COL4A6: variants seen among roughly 807,000 people sequenced by gnomAD.
COL4A6 encodes the protein collagen alpha-6(IV) chain.
Under a neutral mutation model 126.7 loss-of-function variants are expected in COL4A6, and 59 were observed. The ratio of observed to expected loss-of-function variants is 0.47; its 90% CI spans 0.38 to 0.58. The LOEUF (loss-of-function observed/expected upper bound fraction) is 0.58. Among genes scored for constraint, COL4A6 ranks in the 20% least tolerant of loss-of-function variants. COL4A6 has a pLI of 0.00. For synonymous variants in COL4A6, 547 were observed against 496.6 expected (o/e 1.10, Z -1.35); for missense variants, 1,285 against 1,337.3 (o/e 0.96, Z 0.61).
At position 108,237,451 on chromosome X, in the gene COL4A6, C is replaced by T. The variant is rs760679674; in HGVS notation, c.145-16077G>A. Reference sequence around the variant, plus strand: ...AAACCCATCTTGTACTCTCTCACCACGTGGCTTCCAACCAAGTTGCTTCCT... The same window carrying T: ...AAACCCATCTTGTACTCTCTCACCATGTGGCTTCCAACCAAGTTGCTTCCT... On this transcript the variant is annotated intron_variant, in intron 3 of 44. Transcript: ENST00000334504. 3.6e-3 allele frequency among the ~76,000 whole-genome samples: 400 copies of T among 111,451 alleles called. 2 individuals carry two copies. Among genetic ancestry groups the T allele is most frequent in the African/African-American group, 0.013 (388 of 30,665 alleles).
At chrX:108,188,224 T>C (rs2034932007) in intron 21 of COL4A6, among the ~76,000 whole-genome samples, 197 bp from the exon 22 acceptor site, 1 of 112,230 alleles carries the variant, frequency 8.9e-6, no homozygotes. Context: ...TTTGAAGATG[T>C]AAACCTCACC....
At chrX:108,324,006 C>T (rs2039092453) in intron 2 of COL4A6, among the ~76,000 whole-genome samples, 1 of 112,297 alleles carries the variant, frequency 8.9e-6, no homozygotes, top group Non-Finnish European at 1.9e-5. Context: ...CCTTTAGTGG[C>T]TTGGCACAGA....
At chrX:108,283,351 T>C (rs772807711) in intron 3 of COL4A6, among the ~76,000 whole-genome samples, 1 of 110,882 alleles carries the variant, frequency 9.0e-6, no homozygotes, top group South Asian at 3.9e-4. Context: ...TCTTACAGTT[T>C]TGCAGTTTAT....
chrX:108,325,886 A>C (rs1170138117), intron 2 of COL4A6, among the ~76,000 whole-genome samples: 2 of 111,993 alleles, frequency 1.8e-5, no homozygotes, highest in Non-Finnish European at 3.8e-5. Context: ...CTGTGATAAA[A>C]ACTCAAAGCA....
intron 20 of COL4A6, 64 bp from the exon 21 acceptor site, chrX:108,188,741 A>T (rs1319334192): frequency 1.0e-6 from 1 of 1,002,844 alleles, no homozygotes; most frequent in Non-Finnish European, 1.3e-6. Context: ...TAAAGAATTG[A>T]TCATGGTTAT....
intron 2 of COL4A6, among the ~76,000 whole-genome samples, chrX:108,331,218 G>A (rs986237436): frequency 9.0e-6 from 1 of 111,533 alleles, no homozygotes; most frequent in Non-Finnish European, 1.9e-5. Context: ...TTATTAGTTC[G>A]GGATCTCCAG....
chrX:108,413,956 T>G (rs1265702912), intron 2 of COL4A6, among the ~76,000 whole-genome samples: 2 of 112,122 alleles, frequency 1.8e-5, no homozygotes, highest in African/African-American at 3.2e-5. Context: ...TGTTACAAAA[T>G]GCAGGTTGAG....
intron 3 of COL4A6, among the ~76,000 whole-genome samples, chrX:108,250,896 T>C (rs955042287): frequency 6.3e-5 from 7 of 111,498 alleles, no homozygotes; most frequent in African/African-American, 2.3e-4. Flanking sequence ...AATCAGCAAA[T>C]TGCAGACAAG....
intron 2 of COL4A6, among the ~76,000 whole-genome samples, chrX:108,387,094 C>A (rs945427869): frequency 8.0e-5 from 9 of 111,844 alleles, no homozygotes; most frequent in African/African-American, 2.6e-4. Flanking sequence ...GGTACCATTA[C>A]CATGCTGTTT....
chrX:108,425,509 T>C (rs2064062469), intron 2 of COL4A6, among the ~76,000 whole-genome samples: 1 of 109,752 alleles, frequency 9.1e-6, no homozygotes, highest in East Asian at 2.9e-4. Context: ...TAAGGGGGGA[T>C]GGATCACGAG....
At chrX:108,427,580 G>A (rs761380563) in intron 2 of COL4A6, among the ~76,000 whole-genome samples, 1 of 111,786 alleles carries the variant, frequency 8.9e-6, no homozygotes. Flanking sequence ...TCAGCTACAT[G>A]AGGACAAGAC....
At position 108,191,488 on chromosome X, in the gene COL4A6, C is replaced by G. The variant is rs766846479; in HGVS notation, c.1226G>C (p.Gly409Ala). 1 of 1,211,104 alleles carries G rather than the reference C, an allele frequency of 8.3e-7. No individual in the cohort carries two copies. Among genetic ancestry groups the G allele is most frequent in the Non-Finnish European group, 1.1e-6 (1 of 895,158 alleles). The change falls in exon 19 of 45, where the codon GGG becomes GCG. Residue 409 changes from glycine (G) to alanine (A), a missense_variant. By Grantham distance (60) the Gly-to-Ala change is moderately conservative. Coordinates refer to ENST00000334504, the MANE Select transcript of COL4A6 (RefSeq NM_033641.4). The part of the protein sequence containing the change: ...LGPQGFPGLK[G>A]DQGNPGRTTI... Reference sequence around the variant, plus strand: ...GGTACGGCCTGGGTTTCCTTGGTCCCCCTTCAGCCCTGGAAATCCCTGAGG... The same window carrying G: ...GGTACGGCCTGGGTTTCCTTGGTCCGCCTTCAGCCCTGGAAATCCCTGAGG...
intron 13 of COL4A6, among the ~76,000 whole-genome samples, chrX:108,197,772 AGTGTGTGTGT>A (rs57928875): frequency 1.5e-4 from 13 of 87,243 alleles, no homozygotes; most frequent in East Asian, 7.6e-4. Flanking sequence ...TATTGGGAGG[AGTGTGTGTGT>A]GTGTGTGTGT....
intron 2 of COL4A6, among the ~76,000 whole-genome samples, chrX:108,399,902 G>A (rs1243354484): frequency 9.0e-6 from 1 of 111,059 alleles, no homozygotes; most frequent in Non-Finnish European, 1.9e-5. Context: ...AAAGACAGTG[G>A]AGATGGCTAA....
chrX:108,254,410 ATCT>A (rs2036937659), intron 3 of COL4A6, among the ~76,000 whole-genome samples: 1 of 111,768 alleles, frequency 8.9e-6, no homozygotes, highest in South Asian at 3.7e-4. Context: ...TCATTCTACA[ATCT>A]TCTTCCATAA....
rs762621434 is a variant in COL4A6 at position 108,187,103 on chromosome X, T to A, written c.1944A>T (p.Gly648=). The A allele has an allele frequency of 8.7e-7, 1 of 1,152,033 alleles. No homozygotes were observed. The highest frequency in any genetic ancestry group is 2.4e-5 in the Admixed American group (1 of 41,848). The allele number at this position is 1,152,033 out of a possible 1,213,427, so 94.9% of individuals were successfully genotyped here. Residue 648 remains glycine (G), a synonymous_variant, in exon 23 of 45, where the codon GGA becomes GGT. Transcript: ENST00000334504. ...DGLPGQQGLP[G]SKGITLPCII... is the part of the protein sequence containing the mutation. Reference sequence around the variant, plus strand: ...TCTGATTCTATGACTCACCCTTAGATCCGGGAAGGCCTTGTTGTCCCGGTA... The same window carrying A: ...TCTGATTCTATGACTCACCCTTAGAACCGGGAAGGCCTTGTTGTCCCGGTA...
chrX:108,381,971 T>A (rs1283541065), intron 2 of COL4A6, among the ~76,000 whole-genome samples: 1 of 111,412 alleles, frequency 9.0e-6, no homozygotes, highest in Non-Finnish European at 1.9e-5. Flanking sequence ...TCATATTGAT[T>A]TTTCTCTTGA....
chrX:108,188,066 T>C (rs778308760), intron 21 of COL4A6, 39 bp from the exon 22 acceptor site: 2 of 1,101,202 alleles, frequency 1.8e-6, no homozygotes, highest in African/African-American at 3.7e-5. Context: ...AGTCAGAAGA[T>C]GTAGACTTCA....
At position 108,179,271 on chromosome X, in the gene COL4A6, C is replaced by G. The variant is rs1489190401; in HGVS notation, c.2299G>C (p.Gly767Arg). Reference sequence around the variant, plus strand: ...AGAAATCCTTTGTGCCCTGTTAATCCTTGTAGGCCTTGTTCCCCCGGAGCA... The same window carrying G: ...AGAAATCCTTTGTGCCCTGTTAATCGTTGTAGGCCTTGTTCCCCCGGAGCA... Reference protein sequence around the residue: ...NGAPGEQGLQGLTGHKGFLGD... With the variant: ...NGAPGEQGLQRLTGHKGFLGD... Residue 767 changes from glycine (G) to arginine (R), a missense_variant, in exon 26 of 45, where the codon GGA (glycine) becomes CGA (arginine). Coordinates refer to ENST00000334504, the MANE Select transcript of COL4A6 (RefSeq NM_033641.4). 5.0e-6 allele frequency: 6 copies of G among 1,209,371 alleles called. No individual in the cohort carries two copies. In the Admixed American group the frequency reaches 1.3e-4, roughly 26 times the overall value.
Sources: allele counts gnomAD v4.1 joint callset (sites outside exome capture counted in the v4.1 genomes callset), GRCh38; gene constraint gnomAD v4.1.1; transcripts MANE v1.5; gene names NCBI Gene and HGNC (gene_info 2026-07-23, HGNC 2026-07-21).